Variants in ARMH3 observed in about 807,000 individuals in gnomAD.
The protein encoded by ARMH3 is armadillo-like helical domain-containing protein 3.
Under a neutral mutation model 99.1 loss-of-function variants are expected in ARMH3, and 60 were observed. The ratio of observed to expected loss-of-function variants is 0.61; its 90% CI spans 0.49 to 0.75. The LOEUF is 0.75. Among genes scored for constraint, ARMH3 ranks in the 30% least tolerant of loss-of-function variants. ARMH3 has a pLI of 0.00. For synonymous variants in ARMH3, 285 were observed against 292.8 expected (o/e 0.97, Z 0.27); for missense variants, 679 against 843.1 (o/e 0.81, Z 2.41).
At chr10:101,961,310 CTT>C (rs960925720) in intron 20 of ARMH3, among the ~76,000 whole-genome samples, 2 of 146,878 alleles carry the variant, frequency 1.4e-5, no homozygotes, top group African/African-American at 2.5e-5. Flanking sequence ...CTTGCTCTCT[CTT>C]TTTTTTTTTA....
chr10:101,860,167 C>T (rs1173937307), intron 24 of ARMH3, among the ~76,000 whole-genome samples: 1 of 151,930 alleles, frequency 6.6e-6, no homozygotes, highest in Non-Finnish European at 1.5e-5. Context: ...TTTCCAACAC[C>T]CATTTGAGAC....
intron 19 of ARMH3, among the ~76,000 whole-genome samples, chr10:101,982,123 G>A (rs1279478308): frequency 6.6e-6 from 1 of 151,080 alleles, no homozygotes; most frequent in Non-Finnish European, 1.5e-5. Context: ...GCTCACACCT[G>A]TAATCCCAGC....
At chr10:101,868,246 T>C (rs1028853719) in intron 24 of ARMH3, among the ~76,000 whole-genome samples, 5 of 152,098 alleles carry the variant, frequency 3.3e-5, no homozygotes, top group Non-Finnish European at 5.9e-5. Context: ...GAAGAAGACA[T>C]AGAAGAAGCA....
chr10:101,972,746 G>A (rs753753074), intron 20 of ARMH3, among the ~76,000 whole-genome samples: 1 of 152,200 alleles, frequency 6.6e-6, no homozygotes, highest in Non-Finnish European at 1.5e-5. Flanking sequence ...GGCTCACCCA[G>A]CCTATACAGG....
intron 24 of ARMH3, among the ~76,000 whole-genome samples, chr10:101,877,490 T>C (rs2067298398): frequency 6.6e-6 from 1 of 152,124 alleles, no homozygotes; most frequent in Admixed American, 6.5e-5. Context: ...TGAAACCCCA[T>C]CTCTACTAAA....
chr10:101,988,314 G>A (rs901322007), intron 19 of ARMH3, among the ~76,000 whole-genome samples: 11 of 152,160 alleles, frequency 7.2e-5, no homozygotes, highest in African/African-American at 2.2e-4. Flanking sequence ...ACAGTAATAC[G>A]TGTTACAAAG....
At chr10:101,917,442 T>G (rs1843132396) in intron 23 of ARMH3, among the ~76,000 whole-genome samples, 2 of 152,244 alleles carry the variant, frequency 1.3e-5, no homozygotes, top group South Asian at 4.1e-4. Context: ...TTCATTCCTT[T>G]TTACTGTAGA....
Position 101,985,875 on chromosome 10 carries a change from G to A in ARMH3, c.1406+4676C>T, listed in dbSNP as rs182501602. On this transcript the variant is annotated intron_variant, in intron 19 of 25. Transcript: ENST00000370033. ...CTACTAAAAATACAAAAAATTAGCC[G>A]GGTGTGGTGGTGGGCACCTGTAATC... Among the ~76,000 whole-genome samples, 37 of 151,966 alleles carry A rather than the reference G, an allele frequency of 2.4e-4. No individual in the cohort carries two copies. The South Asian group carries it at 4.4e-3, about 18-fold the overall frequency.
At chr10:101,912,084 T>C (rs1156492038) in intron 23 of ARMH3, among the ~76,000 whole-genome samples, 1 of 151,020 alleles carries the variant, frequency 6.6e-6, no homozygotes, top group African/African-American at 2.4e-5. Context: ...TGTACACCCA[T>C]GAATGTCCAA....
chr10:102,012,768 C>A, intron 10 of ARMH3, 65 bp downstream of exon 10: 1 of 1,490,516 alleles, frequency 6.7e-7, no homozygotes, highest in Non-Finnish European at 9.2e-7. Flanking sequence ...AGAACTCTAA[C>A]AAAACTCTAA....
At chr10:102,038,302 G>A (rs2067326747) in intron 2 of ARMH3, among the ~76,000 whole-genome samples, 1 of 151,876 alleles carries the variant, frequency 6.6e-6, no homozygotes, top group Non-Finnish European at 1.5e-5. Context: ...CGCCATGTTA[G>A]CCAGGAAGGT....
chr10:101,860,168 C>T (rs957014850), intron 24 of ARMH3, among the ~76,000 whole-genome samples: 1 of 152,064 alleles, frequency 6.6e-6, no homozygotes, highest in Non-Finnish European at 1.5e-5. Context: ...TTCCAACACC[C>T]ATTTGAGACT....
chr10:101,882,282 A>G (rs1251527524), intron 24 of ARMH3, among the ~76,000 whole-genome samples: 5 of 152,212 alleles, frequency 3.3e-5, no homozygotes, highest in Non-Finnish European at 7.3e-5. Flanking sequence ...CTAAGTTGCC[A>G]CTATGTTTGC....
chr10:101,917,868 A>G (rs1843148440), intron 23 of ARMH3, among the ~76,000 whole-genome samples: 1 of 152,186 alleles, frequency 6.6e-6, no homozygotes, highest in South Asian at 2.1e-4. Context: ...GTTCCTCATC[A>G]GCACCCTGCA....
chr10:102,010,862 T>C (rs1423452659), intron 11 of ARMH3, among the ~76,000 whole-genome samples: 1 of 152,088 alleles, frequency 6.6e-6, no homozygotes, highest in Non-Finnish European at 1.5e-5. Flanking sequence ...CATTTTGGAG[T>C]TAAAGAGTTT....
Position 101,905,343 on chromosome 10 carries a change from C to T in ARMH3, c.1782-15853G>A, listed in dbSNP as rs71471224. On this transcript the variant is annotated intron_variant, in intron 23 of 25. Transcript: ENST00000370033. ...TTGGATTGTGCTGGGGCAGGAATTACGGAAGTAAAAAAGTCATGGTCTCTG... is the reference window on the plus strand; with the variant it reads ...TTGGATTGTGCTGGGGCAGGAATTATGGAAGTAAAAAAGTCATGGTCTCTG... Among the ~76,000 whole-genome samples, 645 of 152,220 alleles carry T rather than the reference C, an allele frequency of 4.2e-3. 6 individuals carry two copies. The highest frequency in any genetic ancestry group is 6.0e-3 in the Non-Finnish European group (407 of 68,020).
chr10:102,031,906 T>A (rs1336972996), intron 4 of ARMH3, among the ~76,000 whole-genome samples: 1 of 152,120 alleles, frequency 6.6e-6, no homozygotes, highest in Admixed American at 6.5e-5. Context: ...GCCCGGCTAA[T>A]TTTTTGTATT....
chr10:102,010,393 G>A (rs2066605577), intron 11 of ARMH3, among the ~76,000 whole-genome samples: 1 of 152,188 alleles, frequency 6.6e-6, no homozygotes, highest in South Asian at 2.1e-4. Context: ...CCTAGAAGTT[G>A]CTTATTTGAA....
At chr10:101,946,298 AAAGATAC>A (rs1844530019) in intron 22 of ARMH3, among the ~76,000 whole-genome samples, 1 of 152,152 alleles carries the variant, frequency 6.6e-6, no homozygotes, top group Admixed American at 6.5e-5. Flanking sequence ...AAATGAATGG[AAAGATAC>A]AAGTTCAGCA....
Sources: allele counts gnomAD v4.1 joint callset (sites outside exome capture counted in the v4.1 genomes callset), GRCh38; gene constraint gnomAD v4.1.1; transcripts MANE v1.5; gene names NCBI Gene and HGNC (gene_info 2026-07-23, HGNC 2026-07-21).